Variants in SCN9A observed in about 807,000 individuals in gnomAD.
SCN9A encodes the protein sodium voltage-gated channel alpha subunit 9.
Under a neutral mutation model 187.0 loss-of-function variants are expected in SCN9A, and 131 were observed. The observed-to-expected ratio is 0.70, with a 90% CI of 0.61 to 0.81. SCN9A has a LOEUF of 0.81. Ranked by LOEUF, SCN9A falls within the 30% of genes least tolerant of loss-of-function variation. The pLI, the probability that SCN9A is intolerant of heterozygous loss-of-function variation, is 0.00. For synonymous variants in SCN9A, 809 were observed against 808.6 expected, an observed-to-expected ratio of 1.00 and a Z score of -0.01; for missense variants, 2,252 against 2,396.6, an observed-to-expected ratio of 0.94 and a Z score of 1.26.
intron 1 of SCN9A, among the ~76,000 whole-genome samples, chr2:166,336,855 C>T (rs1159688108): frequency 6.6e-6 from 1 of 151,986 alleles, no homozygotes; most frequent in Non-Finnish European, 1.5e-5. Context: ...GAGTTGTAGA[C>T]CCTGGGCATT....
intron 12 of SCN9A, among the ~76,000 whole-genome samples, chr2:166,282,089 CTTTT>C (rs1466385485): frequency 6.6e-6 from 1 of 152,068 alleles, no homozygotes; most frequent in Non-Finnish European, 1.5e-5. Context: ...AAGCTAGCTG[CTTTT>C]TTGTTATATC....
chr2:166,210,690 A>AAAT (rs1194483427), intron 24 of SCN9A, among the ~76,000 whole-genome samples: 4 of 152,086 alleles, frequency 2.6e-5, no homozygotes, highest in Admixed American at 1.3e-4. Flanking sequence ...TAAATGACTA[A>AAAT]AATATGTTCA....
At chr2:166,214,810 G>A (rs949364569) in intron 24 of SCN9A, among the ~76,000 whole-genome samples, 1 of 151,530 alleles carries the variant, frequency 6.6e-6, no homozygotes, top group Non-Finnish European at 1.5e-5. Context: ...CACCGCGCCC[G>A]GCCACAATCT....
rs149026627 is a variant in SCN9A at position 166,268,350 on chromosome 2, A to G, written c.3351+4049T>C. On this transcript the variant is annotated intron_variant, in intron 17 of 26. Transcript: ENST00000642356. ...ATATATAAATTAGGAGTTACTTTCTATTGGGTAATTCAATTTGCCTCTTTG... is the reference window on the plus strand; with the variant it reads ...ATATATAAATTAGGAGTTACTTTCTGTTGGGTAATTCAATTTGCCTCTTTG... Among the ~76,000 whole-genome samples the G allele has an allele frequency of 6.6e-5, 10 of 152,076 alleles. 1 individual carries two copies. The East Asian group carries it at 1.9e-3, about 30-fold the overall frequency.
intron 1 of SCN9A, among the ~76,000 whole-genome samples, chr2:166,340,604 T>TTCTTTCTTTCTTTC (rs1238316249): frequency 1.1e-4 from 8 of 72,046 alleles, no homozygotes; most frequent in African/African-American, 7.6e-4. Flanking sequence ...CTTTCTTTCT[T>TTCTTTCTTTCTTTC]TTTCTTTCTT....
intron 7 of SCN9A, among the ~76,000 whole-genome samples, chr2:166,297,041 C>CA (rs960859848): frequency 1.3e-5 from 2 of 150,914 alleles, no homozygotes; most frequent in African/African-American, 2.4e-5. Flanking sequence ...ACTAAAAATA[C>CA]AAAAAAATAG....
chr2:166,249,140 A>T (rs1036767418), intron 18 of SCN9A, among the ~76,000 whole-genome samples: 3 of 152,028 alleles, frequency 2.0e-5, no homozygotes, highest in Non-Finnish European at 2.9e-5. Context: ...AATTTTCTTT[A>T]CATCACGGAA....
In SCN9A at chr2:166,284,682, T is replaced by C. The variant is rs1697653528; in HGVS notation, c.1745A>G (p.Glu582Gly). 6.2e-7 allele frequency: 1 copy of C among 1,614,010 alleles called. No individual in the cohort carries two copies. Among genetic ancestry groups the C allele is most frequent in the Non-Finnish European group, 8.5e-7 (1 of 1,179,884 alleles). Residue 582 changes from glutamate to glycine, a missense_variant, in exon 12 of 27, where the codon GAG becomes GGG. This residue lies in a region of SCN9A where 1,013 missense variants were observed against 997.4 expected (regional missense o/e 1.02). Transcript: ENST00000642356. The part of the protein sequence containing the change: ...DDEHSIFGDN[E>G]SRRGSLFVPH... ...CACAAACAGTGAGCCCCTTCTGCTC[T>C]CATTGTCTCCAAAAATGCTGTGCTC...
intron 1 of SCN9A, among the ~76,000 whole-genome samples, chr2:166,321,695 G>C (rs1023990501): frequency 6.6e-6 from 1 of 150,396 alleles, no homozygotes; most frequent in African/African-American, 2.4e-5. Context: ...GTAAAAAAAA[G>C]TTTTTCAATG....
At chr2:166,268,386 G>A (rs1371048877) in intron 17 of SCN9A, among the ~76,000 whole-genome samples, 1 of 151,698 alleles carries the variant, frequency 6.6e-6, no homozygotes, top group Non-Finnish European at 1.5e-5. Flanking sequence ...GCTCATCCAG[G>A]CTCATCACAA....
chr2:166,198,488 A>G lies in SCN9A; in HGVS notation c.*184T>C. 1 of 561,478 alleles carries G rather than the reference A, an allele frequency of 1.8e-6. No individual in the cohort carries two copies. Among genetic ancestry groups the G allele is most frequent in the East Asian group, 2.8e-5 (1 of 35,214 alleles). The allele number at this position is 561,478 out of a possible 1,614,324, so 34.8% of individuals were successfully genotyped here. On this transcript the variant is annotated 3_prime_UTR_variant, in exon 27 of 27. Coordinates refer to ENST00000642356, the MANE Select transcript of SCN9A (RefSeq NM_001365536.1). ...GTTCTCTTACGATTCTTAAAGAATC[A>G]TCAGTGCAAAAATAACCATCTGCTA...
rs112561342 is a variant in SCN9A at position 166,316,523 on chromosome 2, T to G, written c.-50-4717A>C. Among the ~76,000 whole-genome samples, 54 of 152,258 alleles carry G rather than the reference T, an allele frequency of 3.5e-4. 1 individual carries two copies. The highest frequency in any genetic ancestry group is 1.2e-3 in the African/African-American group (51 of 41,564). ...ACCTGGCGAACACTGTGAAACCCTG[T>G]CTCTACTAAAAGTACAAAAAAATTA... On this transcript the variant is annotated intron_variant, in intron 1 of 26. Transcript: ENST00000642356.
intron 18 of SCN9A, among the ~76,000 whole-genome samples, chr2:166,247,151 A>G (rs1387513661): frequency 1.6e-5 from 2 of 122,546 alleles, no homozygotes; most frequent in Non-Finnish European, 3.3e-5. Context: ...GTTAAACCAA[A>G]GCTCTCAAAA....
intron 17 of SCN9A, among the ~76,000 whole-genome samples, chr2:166,261,021 TG>T (rs767914373): frequency 6.6e-6 from 1 of 151,852 alleles, no homozygotes; most frequent in Non-Finnish European, 1.5e-5. Context: ...AATTAACTTT[TG>T]TTTTTTGGTA....
intron 1 of SCN9A, among the ~76,000 whole-genome samples, chr2:166,325,338 G>A (rs1360589934): frequency 2.6e-5 from 4 of 151,974 alleles, no homozygotes; most frequent in Admixed American, 2.6e-4. Flanking sequence ...GTACAAAATA[G>A]CATTGCTTTG....
chr2:166,263,317 A>G (rs548920900), intron 17 of SCN9A, among the ~76,000 whole-genome samples: 70 of 152,078 alleles, frequency 4.6e-4, no homozygotes, highest in African/African-American at 1.7e-3. Context: ...TTCTCAGTAA[A>G]TCTCAGATTT....
At chr2:166,267,334 C>T (rs1696785050) in intron 17 of SCN9A, among the ~76,000 whole-genome samples, 1 of 151,836 alleles carries the variant, frequency 6.6e-6, no homozygotes, top group African/African-American at 2.4e-5. Context: ...ATGTTTCATT[C>T]TGTTGATATA....
chr2:166,324,076 G>A (rs1281616252), intron 1 of SCN9A, among the ~76,000 whole-genome samples: 1 of 151,624 alleles, frequency 6.6e-6, no homozygotes, highest in East Asian at 1.9e-4. Context: ...ATTTCAGGCT[G>A]TTTTGCATTC....
intron 4 of SCN9A, among the ~76,000 whole-genome samples, chr2:166,306,297 A>C (rs1016170808): frequency 6.6e-6 from 1 of 152,182 alleles, no homozygotes; most frequent in Non-Finnish European, 1.5e-5. Flanking sequence ...GCATCTGACA[A>C]GTTCATTCTT....
Sources: allele counts gnomAD v4.1 joint callset (sites outside exome capture counted in the v4.1 genomes callset), GRCh38; gene constraint gnomAD v4.1.1; regional missense constraint gnomAD v4.1.1; transcripts MANE v1.5; gene names NCBI Gene and HGNC (gene_info 2026-07-23, HGNC 2026-07-21).